Variants in MACF1 observed in about 807,000 individuals in gnomAD.
MACF1 encodes the protein microtubule actin crosslinking factor 1.
MACF1 carries 193 observed loss-of-function variants against 854.8 expected under a neutral mutation model. The observed-to-expected ratio is 0.23, with a 90% CI of 0.20 to 0.25. The LOEUF (loss-of-function observed/expected upper bound fraction) is 0.25. Among genes scored for constraint, MACF1 ranks in the 10% least tolerant of loss-of-function variants. The pLI is 1.00. For synonymous variants in MACF1, 3,185 were observed against 3,226.7 expected, an observed-to-expected ratio of 0.99 and a Z score of 0.44; for missense variants, 7,722 against 8,929.1, an observed-to-expected ratio of 0.86 and a Z score of 5.45.
chr1:39,298,577 AC>A, intron 21 of MACF1: 1 of 411,620 alleles, frequency 2.4e-6, no homozygotes, highest in Admixed American at 2.9e-5. Flanking sequence ...AACTAGAATA[AC>A]CCAAAACAGT....
chr1:39,387,116 A>G, intron 57 of MACF1, 71 bp from the exon 58 acceptor site: 1 of 1,528,818 alleles, frequency 6.5e-7, no homozygotes, highest in Non-Finnish European at 8.8e-7. Context: ...ATTAGACCGT[A>G]TACTCTCAGC....
At chr1:39,481,831 C>T (rs1357476636) in intron 99 of MACF1, among the ~76,000 whole-genome samples, 1 of 152,068 alleles carries the variant, frequency 6.6e-6, no homozygotes, top group Non-Finnish European at 1.5e-5. Flanking sequence ...AAGCCTTAGC[C>T]AGGGAAACAA....
At chr1:39,097,118 C>T (rs1641957864) in intron 2 of MACF1, among the ~76,000 whole-genome samples, 1 of 151,908 alleles carries the variant, frequency 6.6e-6, no homozygotes. Context: ...CTCAGGTGAT[C>T]CACCCGCCTC....
At chr1:39,466,974 T>C (rs1197961489) in intron 95 of MACF1, among the ~76,000 whole-genome samples, 1 of 152,188 alleles carries the variant, frequency 6.6e-6, no homozygotes, top group African/African-American at 2.4e-5. Flanking sequence ...ACCACAAGTA[T>C]ATTAATTTTG....
chr1:39,385,578 G>A lies in MACF1; in HGVS notation c.13993G>A (p.Val4665Ile), dbSNP rs1342954821. The A allele has an allele frequency of 1.2e-6, 2 of 1,613,984 alleles. No homozygotes were observed. The highest frequency in any genetic ancestry group is 1.3e-5 in the African/African-American group (1 of 74,892). Residue 4665 changes from valine to isoleucine, a missense_variant, in exon 57 of 101, where the codon GTT becomes ATT. Coordinates refer to ENST00000564288, the MANE Select transcript of MACF1 (RefSeq NM_001394062.1). ...KELQSINQKW[V>I]ELTDKLNSRS... Reference sequence around the variant, plus strand: ...ACTCCAGAGCATCAATCAGAAATGGGTTGAGCTGACTGACAAACTCAACTC... The same window carrying A: ...ACTCCAGAGCATCAATCAGAAATGGATTGAGCTGACTGACAAACTCAACTC...
At chr1:39,122,970 G>A (rs1413647241) in intron 2 of MACF1, among the ~76,000 whole-genome samples, 1 of 152,012 alleles carries the variant, frequency 6.6e-6, no homozygotes, top group Admixed American at 6.6e-5. Flanking sequence ...GTCTGGGAGG[G>A]GAGAGGAGGG....
At chr1:39,284,295 G>T in intron 10 of MACF1, 38 bp from the exon 11 acceptor site, 2 of 1,566,950 alleles carry the variant, frequency 1.3e-6, no homozygotes, top group South Asian at 2.4e-5. Flanking sequence ...GGGTCCTATA[G>T]TTTGTGTCCA....
At chr1:39,452,064 T>G in intron 85 of MACF1, 92 bp from the exon 86 acceptor site, 1 of 1,166,786 alleles carries the variant, frequency 8.6e-7, no homozygotes, top group Non-Finnish European at 1.2e-6. Flanking sequence ...AGACACATGA[T>G]TAGAACCTAC....
In MACF1 at chr1:39,268,436, A is replaced by G. The variant is rs1377366526; in HGVS notation, c.528+10408A>G. 8 of 1,050,872 alleles carry G rather than the reference A, an allele frequency of 7.6e-6. No homozygotes were observed. In the African/African-American group the frequency reaches 1.4e-4, roughly 18 times the overall value. 65.1% of individuals were successfully genotyped at this position (1,050,872 alleles called of 1,614,324 possible). A position where few individuals can be genotyped will look rare whatever the true frequency, so the allele number is the denominator to read the frequency against. Reference sequence around the variant, plus strand: ...GCCAATCCGGTTTCTGTCTGCTTTTAGGTCAAGTGATTTCTGAACTGCAGT... The same window carrying G: ...GCCAATCCGGTTTCTGTCTGCTTTTGGGTCAAGTGATTTCTGAACTGCAGT... On this transcript the variant is annotated intron_variant, in intron 6 of 100. Transcript: ENST00000564288.
chr1:39,434,838 G>A (rs576575851), intron 69 of MACF1, among the ~76,000 whole-genome samples: 19 of 152,262 alleles, frequency 1.2e-4, no homozygotes, highest in Non-Finnish European at 2.5e-4. Flanking sequence ...TTATAGAGAT[G>A]TCGAGAACCT....
chr1:39,148,895 G>A (rs1378897196), intron 2 of MACF1, among the ~76,000 whole-genome samples: 1 of 152,148 alleles, frequency 6.6e-6, no homozygotes, highest in Admixed American at 6.5e-5. Context: ...CCATGTGGTT[G>A]GGTTTTACAT....
chr1:39,232,764 TTTTTG>T (rs1644797582), intron 2 of MACF1, among the ~76,000 whole-genome samples: 1 of 123,946 alleles, frequency 8.1e-6, no homozygotes, highest in African/African-American at 2.8e-5. Flanking sequence ...TTTTTTTTTT[TTTTTG>T]TTTGTTTGTT....
chr1:39,143,518 G>A (rs1643393337), intron 2 of MACF1, among the ~76,000 whole-genome samples: 1 of 152,148 alleles, frequency 6.6e-6, no homozygotes. Context: ...ATTAGATTCA[G>A]TCTTTCCATT....
intron 81 of MACF1, 45 bp from the exon 82 acceptor site, chr1:39,447,647 C>G (rs1433917460): frequency 1.2e-6 from 2 of 1,612,978 alleles, no homozygotes; most frequent in Non-Finnish European, 1.7e-6. Context: ...AGAAATGCCC[C>G]TTTATCTTAT....
At chr1:39,269,781 A>G in intron 6 of MACF1, 2 of 1,213,668 alleles carry the variant, frequency 1.6e-6, no homozygotes, top group South Asian at 2.8e-5. Flanking sequence ...CCTCAAACAT[A>G]TTAAAGCTGA....
Position 39,422,881 on chromosome 1 carries a change from C to T in MACF1, c.16130C>T (p.Ala5377Val). The change falls in exon 60 of 101, where the codon GCA becomes GTA. Residue 5377 changes from alanine (A) to valine (V), a missense_variant. Ala to Val is a moderately conservative substitution (Grantham distance 64). Around this residue, in one of 15 missense-constraint regions of MACF1, gnomAD observed 2,807 missense variants for 3,235.8 expected, o/e 0.87. Transcript: ENST00000564288. ...PPSAEYKVVK[A>V]QIQEQKLLQR... ...TCTGCTGAGTATAAAGTGGTGAAAG[C>T]ACAGATCCAAGAACAGAAGGTAAGT... is the stretch of plus-strand genomic sequence containing the variant. The T allele has an allele frequency of 6.2e-7, 1 of 1,614,104 alleles. No homozygotes were observed. Among genetic ancestry groups the T allele is most frequent in the East Asian group, 2.2e-5 (1 of 44,882 alleles).
chr1:39,472,877 C>T (rs1644803688), intron 97 of MACF1, among the ~76,000 whole-genome samples: 1 of 152,184 alleles, frequency 6.6e-6, no homozygotes. Context: ...GAGTTTAGAC[C>T]TTCTTAATGA....
chr1:39,359,067 C>G, intron 46 of MACF1, 74 bp from the exon 47 acceptor site: 1 of 1,563,768 alleles, frequency 6.4e-7, no homozygotes, highest in Non-Finnish European at 8.8e-7. Flanking sequence ...TAAAGCTGTT[C>G]AGTAGCTCCG....
intron 59 of MACF1, 59 bp from the exon 60 acceptor site, chr1:39,422,671 T>C: frequency 6.4e-7 from 1 of 1,572,410 alleles, no homozygotes; most frequent in Non-Finnish European, 8.7e-7. Flanking sequence ...AAGAGGTCAG[T>C]AGTAATTTGA....
Sources: gnomAD v4.1 joint callset for allele counts (sites outside exome capture counted in the v4.1 genomes callset) on GRCh38, gnomAD v4.1.1 for gene constraint, gnomAD v4.1.1 regional missense constraint, MANE v1.5 for transcripts, NCBI Gene and HGNC (gene_info 2026-07-23, HGNC 2026-07-21) for gene names.